CDKL2: variants seen among roughly 807,000 people sequenced by gnomAD.
CDKL2 encodes the protein cyclin dependent kinase like 2.
A neutral mutation model predicts 63.9 loss-of-function variants in CDKL2; 64 were observed. The ratio of observed to expected loss-of-function variants is 1.00; its 90% CI spans 0.82 to 1.23. CDKL2 has a LOEUF of 1.23. Among genes scored for constraint, CDKL2 ranks in the 50% most tolerant of loss-of-function variants. The probability of loss-of-function intolerance (pLI) is 0.00; values close to 1 mark genes in which losing one functional copy is unlikely to be tolerated. For missense variants in CDKL2, 656 were observed against 668.0 expected (o/e 0.98, Z 0.20); for synonymous variants, 211 against 229.2 (o/e 0.92, Z 0.72).
intron 2 of CDKL2, among the ~76,000 whole-genome samples, chr4:75,624,869 C>T (rs908438265): frequency 4.0e-5 from 6 of 151,708 alleles, no homozygotes; most frequent in Non-Finnish European, 7.4e-5. Flanking sequence ...AAAAAACCAA[C>T]GAAACAAAAT....
At chr4:75,621,251 C>G (rs1251650411) in intron 2 of CDKL2, among the ~76,000 whole-genome samples, 1 of 100,184 alleles carries the variant, frequency 1.0e-5, no homozygotes, top group East Asian at 2.7e-4. Flanking sequence ...TTTAAAATGA[C>G]AAATGACATT....
Position 75,598,229 on chromosome 4 carries a change from T to C in CDKL2, c.885-17A>G. 7.6e-7 allele frequency: 1 copy of C among 1,322,376 alleles called. No individual in the cohort carries two copies. Among genetic ancestry groups the C allele is most frequent in the Non-Finnish European group, 1.0e-6 (1 of 970,920 alleles). The allele number at this position is 1,322,376 out of a possible 1,614,324, so 81.9% of individuals were successfully genotyped here. ...TGGGAAAACCTACATAAAAATATAA[T>C]AAAATAAAATTGTAAGACATGGATA... On this transcript the variant is annotated splice_polypyrimidine_tract_variant and intron_variant, in intron 7 of 13. Transcript: ENST00000307465.
chr4:75,581,845 T>C lies in CDKL2; in HGVS notation c.1701A>G (p.Glu567=). 1 of 1,612,044 alleles carries C rather than the reference T, an allele frequency of 6.2e-7. No homozygotes were observed. Among genetic ancestry groups the C allele is most frequent in the Non-Finnish European group, 8.5e-7 (1 of 1,178,532 alleles). Residue 567 remains glutamate, a synonymous_variant, in exon 13 of 14, where the codon GAA becomes GAG. Transcript: ENST00000307465. Reference sequence around the variant, plus strand: ...ACCAAAATGGTTCTCAGTGCTGGTGTTCCATTTGAGGCAAATCAGCCCCTG... The same window carrying C: ...ACCAAAATGGTTCTCAGTGCTGGTGCTCCATTTGAGGCAAATCAGCCCCTG... ...DDSGADLPQM[E]HQH
chr4:75,597,007 TG>T lies in CDKL2; in HGVS notation c.1249del (p.His417ThrfsTer53). 6.2e-7 allele frequency: 1 copy of T among 1,614,216 alleles called. No homozygotes were observed. On this transcript the variant is annotated frameshift_variant, in exon 9 of 14. Transcript: ENST00000307465. LOFTEE classifies it high-confidence loss of function. Reference sequence around the variant, plus strand: ...GCTGGGAGCAACTGCAGAAAGATTGTGTGTAAGTGGGGGAATTGCCACGCTT... The same window carrying T: ...GCTGGGAGCAACTGCAGAAAGATTGTTGTAAGTGGGGGAATTGCCACGCTT... Reference protein sequence around the residue: ...NPSVAIPPLTHNLSAVAPSIN... With the variant: ...NPSVAIPPLTXNLSAVAPSIN...
chr4:75,610,919 C>T (rs950111383), intron 3 of CDKL2, among the ~76,000 whole-genome samples: 16 of 151,934 alleles, frequency 1.1e-4, no homozygotes, highest in African/African-American at 3.9e-4. Flanking sequence ...TGTTAACTGC[C>T]CAGAAAACAA....
intron 10 of CDKL2, among the ~76,000 whole-genome samples, chr4:75,595,832 G>A (rs1250506295): frequency 1.3e-5 from 2 of 151,962 alleles, no homozygotes; most frequent in Non-Finnish European, 2.9e-5. Flanking sequence ...AGGAGGCTGA[G>A]GCAGGAGAAT....
At chr4:75,629,938 C>CAAA (rs747587721) in intron 1 of CDKL2, 104 bp downstream of exon 1, 9 of 74,202 alleles carry the variant, frequency 1.2e-4, no homozygotes, top group Non-Finnish European at 2.3e-4. Flanking sequence ...AACTCCGTCT[C>CAAA]AAAAAAAAAA....
chr4:75,586,643 T>C (rs1437555893), intron 12 of CDKL2, among the ~76,000 whole-genome samples: 5 of 152,040 alleles, frequency 3.3e-5, no homozygotes, highest in African/African-American at 1.2e-4. Context: ...AATAAGTAAA[T>C]ATATTAAATT....
intron 5 of CDKL2, 69 bp from the exon 6 acceptor site, chr4:75,604,025 T>A: frequency 6.9e-7 from 1 of 1,443,374 alleles, no homozygotes. Flanking sequence ...AGACAGGTGG[T>A]GTGAAGTAGA....
At chr4:75,610,761 A>G (rs1363897860) in intron 3 of CDKL2, among the ~76,000 whole-genome samples, 2 of 152,186 alleles carry the variant, frequency 1.3e-5, no homozygotes, top group Non-Finnish European at 2.9e-5. Context: ...AATATATTTG[A>G]GAATAAATGT....
chr4:75,618,239 C>CT (rs56002333), intron 2 of CDKL2, among the ~76,000 whole-genome samples: 35,520 of 52,958 alleles, frequency 0.67, 16,500 homozygotes, highest in Non-Finnish European at 0.71. Flanking sequence ...ATTGAAAATT[C>CT]TTTTTTTTTT....
chr4:75,627,138 G>T (rs1284269214), intron 1 of CDKL2, among the ~76,000 whole-genome samples: 1 of 151,664 alleles, frequency 6.6e-6, no homozygotes, highest in Admixed American at 6.6e-5. Context: ...AGGAGGCGGA[G>T]GTTGCAGTGA....
chr4:75,591,898 T>C lies in CDKL2; in HGVS notation c.1568A>G (p.Glu523Gly), dbSNP rs1217016431. Residue 523 changes from glutamate to glycine, a missense_variant, in exon 12 of 14, where the codon GAG becomes GGG. Physicochemically the swap from Glu to Gly is moderately conservative, Grantham distance 98. Transcript: ENST00000307465. The part of the protein sequence containing the change: ...IARNSRLTKK[E>G]SKILSESRIP... Reference sequence around the variant, plus strand: ...TCGAGATTCTGAAAGAATTTTGCTCTCTTTCTTTGTTAGCCTGGAATTTCG... The same window carrying C: ...TCGAGATTCTGAAAGAATTTTGCTCCCTTTCTTTGTTAGCCTGGAATTTCG... The C allele has an allele frequency of 6.5e-7, 1 of 1,535,848 alleles. No individual in the cohort carries two copies. Among genetic ancestry groups the C allele is most frequent in the African/African-American group, 1.4e-5 (1 of 73,046 alleles).
In CDKL2 at chr4:75,601,878, A is replaced by C. The variant is rs374385695; in HGVS notation, c.796-1509T>G. On this transcript the variant is annotated intron_variant, in intron 6 of 13. Transcript: ENST00000307465. ...ACGTCATGAGTTAAAGAATTAAAAA[A>C]CAAAAAAATTGGGTAAATCTTATAG... Among the ~76,000 whole-genome samples, 3 of 152,342 alleles carry C rather than the reference A, an allele frequency of 2.0e-5. No individual in the cohort carries two copies. The East Asian group carries it at 5.8e-4, about 29-fold the overall frequency.
Position 75,581,889 on chromosome 4 carries a change from G to A in CDKL2, c.1657C>T (p.Pro553Ser), listed in dbSNP as rs1728279507. ...GCCCCTGAATCATCTGACAGGGGAG[G>A]TCCTGATACCTATAAATTAATAATA... ...PSITLHQVSG[P>S]PLSDDSGADL... Residue 553 changes from proline to serine, a missense_variant, in exon 13 of 14, where the codon CCT becomes TCT. Coordinates refer to ENST00000307465, the MANE Select transcript of CDKL2 (RefSeq NM_001330724.2). 5 of 1,609,422 alleles carry A rather than the reference G, an allele frequency of 3.1e-6. No homozygotes were observed. The highest frequency in any genetic ancestry group is 4.3e-6 in the Non-Finnish European group (5 of 1,176,186).
At position 75,607,244 on chromosome 4, in the gene CDKL2, A is replaced by C. The variant is rs1227116502; in HGVS notation, c.481T>G (p.Tyr161Asp). The change falls in exon 4 of 14, where the codon TAT (tyrosine) becomes GAT (aspartate). Residue 161 changes from tyrosine to aspartate, a missense_variant. By Grantham distance (160) the Tyr-to-Asp change is radical (BLOSUM62 -3). Transcript: ENST00000307465. ...GCTCTGTACCATCGGGTTGCCACAT[A>C]ATCAGTATAAACCTCCCCAGGAGCT... ...LAAPGEVYTD[Y>D]VATRWYRAPE... 1.2e-6 allele frequency: 2 copies of C among 1,613,844 alleles called. No individual in the cohort carries two copies. Among genetic ancestry groups the C allele is most frequent in the South Asian group, 1.1e-5 (1 of 91,024 alleles).
At chr4:75,589,299 C>CTTTTTTTTTTTTTTTTTTTT (rs34052339) in intron 12 of CDKL2, among the ~76,000 whole-genome samples, 1 of 88,412 alleles carries the variant, frequency 1.1e-5, no homozygotes, top group Non-Finnish European at 2.1e-5. Context: ...TTGATAGTTT[C>CTTTTTTTTTTTTTTTTTTTT]TTTTTTTTTT....
chr4:75,613,900 T>C (rs191839721), intron 3 of CDKL2, among the ~76,000 whole-genome samples: 12 of 152,104 alleles, frequency 7.9e-5, no homozygotes, highest in South Asian at 2.1e-4. Context: ...CTACTAAGAA[T>C]ACAAAAATTA....
At chr4:75,627,960 G>A (rs1730508954) in intron 1 of CDKL2, among the ~76,000 whole-genome samples, 1 of 148,664 alleles carries the variant, frequency 6.7e-6, no homozygotes, top group Admixed American at 6.7e-5. Context: ...AATGACATCG[G>A]TATATAAGCA....
Sources: gnomAD v4.1 joint callset for allele counts (sites outside exome capture counted in the v4.1 genomes callset) on GRCh38, gnomAD v4.1.1 for gene constraint, MANE v1.5 for transcripts, NCBI Gene and HGNC (gene_info 2026-07-23, HGNC 2026-07-21) for gene names.